The following C3orf70 variants were observed in gnomAD, a reference collection of about 807,000 sequenced individuals.
C3orf70 encodes the protein chromosome 3 open reading frame 70, also known as UPF0524 protein C3orf70.
C3orf70 carries 15 observed loss-of-function variants against 20.7 expected under a neutral mutation model. That is an observed-to-expected ratio of 0.72 (90% confidence interval 0.48 to 1.11). C3orf70 has a LOEUF of 1.11. Ranked by LOEUF, C3orf70 falls within the 50% of genes most tolerant of loss-of-function variation. The probability of loss-of-function intolerance (pLI) is 0.00; values close to 1 mark genes in which losing one functional copy is unlikely to be tolerated. For missense variants in C3orf70, 332 were observed against 317.6 expected, an observed-to-expected ratio of 1.05 and a Z score of -0.34; for synonymous variants, 161 against 125.7, an observed-to-expected ratio of 1.28 and a Z score of -1.88.
intron 1 of C3orf70, among the ~76,000 whole-genome samples, chr3:185,151,538 T>C (rs367614606): frequency 4.3e-4 from 66 of 152,348 alleles, no homozygotes; most frequent in African/African-American, 1.6e-3. Context: ...TACTGTTCTA[T>C]GTGCCTGGAA....
intron 1 of C3orf70, among the ~76,000 whole-genome samples, chr3:185,132,562 A>T (rs1303648066): frequency 6.6e-6 from 1 of 152,204 alleles, no homozygotes; most frequent in Non-Finnish European, 1.5e-5. Context: ...TCCAGAAGGC[A>T]GTATAGAGTG....
chr3:185,086,075 G>A (rs1054485804), intron 1 of C3orf70, among the ~76,000 whole-genome samples: 4 of 152,138 alleles, frequency 2.6e-5, no homozygotes, highest in Non-Finnish European at 4.4e-5. Context: ...GAGGATCCTC[G>A]TAGTTGATTC....
intron 1 of C3orf70, among the ~76,000 whole-genome samples, chr3:185,115,032 A>G (rs2108597128): frequency 6.6e-6 from 1 of 152,328 alleles, no homozygotes; most frequent in East Asian, 1.9e-4. Flanking sequence ...AGTGATTCTC[A>G]ATCTTGGGTG....
intron 1 of C3orf70, among the ~76,000 whole-genome samples, chr3:185,115,098 T>G (rs1716149130): frequency 6.6e-6 from 1 of 152,076 alleles, no homozygotes; most frequent in South Asian, 2.1e-4. Context: ...CAGGTCCTAC[T>G]TCCTCCCACC....
At position 185,077,600 on chromosome 3, in the gene C3orf70, G is replaced by T. The variant is rs956578895; in HGVS notation, c.*5407C>A. Among the ~76,000 whole-genome samples, 4 of 152,162 alleles carry T rather than the reference G, an allele frequency of 2.6e-5. No homozygotes were observed. Among genetic ancestry groups the T allele is most frequent in the African/African-American group, 9.6e-5 (4 of 41,494 alleles). On this transcript the variant is annotated 3_prime_UTR_variant, in exon 2 of 2. Transcript: ENST00000335012. Reference sequence around the variant, plus strand: ...TTGAAGCTGTTCTTTTCTGAGTATGGACTTGCCGCGCTGAGGCCTGGCCCC... The same window carrying T: ...TTGAAGCTGTTCTTTTCTGAGTATGTACTTGCCGCGCTGAGGCCTGGCCCC...
intron 1 of C3orf70, among the ~76,000 whole-genome samples, chr3:185,099,081 A>G (rs1715768990): frequency 6.6e-6 from 1 of 152,246 alleles, no homozygotes; most frequent in East Asian, 1.9e-4. Flanking sequence ...ATATAGCCAT[A>G]ACACTATAAT....
chr3:185,089,439 A>G (rs1323142212), intron 1 of C3orf70, among the ~76,000 whole-genome samples: 1 of 152,080 alleles, frequency 6.6e-6, no homozygotes, highest in African/African-American at 2.4e-5. Context: ...AGAAGACATT[A>G]CTCGTTTATT....
At chr3:185,150,953 A>G (rs1251184701) in intron 1 of C3orf70, among the ~76,000 whole-genome samples, 1 of 152,250 alleles carries the variant, frequency 6.6e-6, no homozygotes, top group Admixed American at 6.5e-5. Flanking sequence ...TATTTCAGGA[A>G]AGACATTGTG....
chr3:185,143,004 G>A (rs781124496), intron 1 of C3orf70, among the ~76,000 whole-genome samples: 4 of 152,080 alleles, frequency 2.6e-5, no homozygotes, highest in African/African-American at 9.7e-5. Flanking sequence ...AATAAAATGC[G>A]ATATATGAAT....
At chr3:185,095,481 T>C (rs1414582088) in intron 1 of C3orf70, among the ~76,000 whole-genome samples, 1 of 152,158 alleles carries the variant, frequency 6.6e-6, no homozygotes, top group Non-Finnish European at 1.5e-5. Context: ...GTAAAAGACA[T>C]CTGTCACATT....
chr3:185,085,029 G>A (rs1715432026), intron 1 of C3orf70, among the ~76,000 whole-genome samples: 1 of 152,064 alleles, frequency 6.6e-6, no homozygotes, highest in Non-Finnish European at 1.5e-5. Context: ...GTCTATCCTA[G>A]GCAGCATCCT....
chr3:185,083,593 C>CT lies in C3orf70; in HGVS notation c.197-31dup, dbSNP rs762624619. ...GAAGACACAAAAAGACACTTGAAAT[C>CT]TATATTACACAAACTATATTAACAT... On this transcript the variant is annotated intron_variant, in intron 1 of 1. Coordinates refer to ENST00000335012, the MANE Select transcript of C3orf70 (RefSeq NM_001025266.3). 9.9e-6 allele frequency: 15 copies of CT among 1,518,302 alleles called. No homozygotes were observed. In the South Asian group the frequency reaches 1.8e-4, roughly 18 times the overall value. The allele number at this position is 1,518,302 out of a possible 1,614,324, so 94.1% of individuals were successfully genotyped here.
chr3:185,094,612 A>C (rs1227021096), intron 1 of C3orf70, among the ~76,000 whole-genome samples: 1 of 151,824 alleles, frequency 6.6e-6, no homozygotes, highest in East Asian at 1.9e-4. Context: ...ATTCCAGTTG[A>C]GAGAGGCTCC....
chr3:185,079,341 A>G lies in C3orf70; in HGVS notation c.*3666T>C, dbSNP rs1401474527. On this transcript the variant is annotated 3_prime_UTR_variant, in exon 2 of 2. Transcript: ENST00000335012. The stretch of plus-strand genomic sequence containing the variant: ...ACTCCCAAGATAGAATCAAATCCAA[A>G]AAGTATTTCAGGAAAGCAACTACGT... 2 of 151,400 alleles carry G rather than the reference A, an allele frequency of 1.3e-5. No homozygotes were observed. Among genetic ancestry groups the G allele is most frequent in the Non-Finnish European group, 2.9e-5 (2 of 67,882 alleles). 9.4% of individuals were successfully genotyped at this position (151,400 alleles called of 1,614,324 possible).
At chr3:185,100,094 A>G (rs1381477562) in intron 1 of C3orf70, among the ~76,000 whole-genome samples, 2 of 152,172 alleles carry the variant, frequency 1.3e-5, no homozygotes, top group Non-Finnish European at 2.9e-5. Flanking sequence ...ACTTCCACAC[A>G]AGAATAGTGA....
chr3:185,083,418 A>T lies in C3orf70; in HGVS notation c.342T>A (p.Pro114=), dbSNP rs147586757. ...ACCTCGGTGAGTCAGGGGGAAGGGG[A>T]GGCTGGAAGACAGATGCAAATTTCA... ...HFLKFASVFQ[P]PLPPDSPRYC... is the part of the protein sequence containing the mutation. Residue 114 remains proline (P), a synonymous_variant, in exon 2 of 2, where the codon CCT becomes CCA. Coordinates refer to ENST00000335012, the MANE Select transcript of C3orf70 (RefSeq NM_001025266.3). 8.7e-5 allele frequency: 140 copies of T among 1,614,126 alleles called. 1 individual carries two copies. The African/African-American group carries it at 1.8e-3, about 20-fold the overall frequency.
intron 1 of C3orf70, among the ~76,000 whole-genome samples, chr3:185,130,925 T>A (rs1332222421): frequency 2.0e-5 from 3 of 152,250 alleles, no homozygotes; most frequent in African/African-American, 7.2e-5. Flanking sequence ...CTATAAACAT[T>A]TGTATACAAG....
chr3:185,110,067 CAA>C (rs1716038578), intron 1 of C3orf70, among the ~76,000 whole-genome samples: 2 of 152,202 alleles, frequency 1.3e-5, no homozygotes, highest in South Asian at 4.1e-4. Context: ...AAAAGTATGA[CAA>C]GAGTTCCTAT....
chr3:185,083,463 G>A lies in C3orf70; in HGVS notation c.297C>T (p.Val99=). Residue 99 remains valine (V), a synonymous_variant, in exon 2 of 2, where the codon GTC becomes GTT. Coordinates refer to ENST00000335012, the MANE Select transcript of C3orf70 (RefSeq NM_001025266.3). ...ATTTCAAAAAGTGTTCGGTGAGCGA[G>A]ACTGAGATCTGAATGGTGTTTGTGG... ...REPTNTIQIS[V]SLTEHFLKFA... The A allele has an allele frequency of 2.5e-6, 4 of 1,614,152 alleles. No homozygotes were observed. The highest frequency in any genetic ancestry group is 3.4e-6 in the Non-Finnish European group (4 of 1,180,044).
Sources: gnomAD v4.1 joint callset for allele counts (sites outside exome capture counted in the v4.1 genomes callset) on GRCh38, gnomAD v4.1.1 for gene constraint, MANE v1.5 for transcripts, NCBI Gene and HGNC (gene_info 2026-07-23, HGNC 2026-07-21) for gene names.